KLHL26: variants seen among roughly 807,000 people sequenced by gnomAD.
KLHL26 encodes kelch-like protein 26.
A neutral mutation model predicts 7.1 loss-of-function variants in KLHL26; 4 were observed. The ratio of observed to expected loss-of-function variants is 0.56; its 90% CI spans 0.28 to 1.28. KLHL26 has a LOEUF of 1.28. KLHL26 is among the 50% of genes most tolerant of loss of function. The pLI is 0.11. For synonymous variants in KLHL26, 465 were observed against 414.1 expected (o/e 1.12, Z -1.49); for missense variants, 896 against 924.6 (o/e 0.97, Z 0.40).
intron 1 of KLHL26, among the ~76,000 whole-genome samples, chr19:18,645,410 C>A (rs1468138898): frequency 6.6e-6 from 1 of 152,134 alleles, no homozygotes. Context: ...TTGGCCCACG[C>A]TCCCTGGAGA....
chr19:18,639,270 G>T (rs540215865), intron 1 of KLHL26, among the ~76,000 whole-genome samples: 2 of 151,638 alleles, frequency 1.3e-5, no homozygotes, highest in Non-Finnish European at 2.9e-5. Context: ...TAGAGACAGG[G>T]TTTCACTGTT....
chr19:18,662,116 G>GC (rs2052397537), intron 1 of KLHL26, among the ~76,000 whole-genome samples: 1 of 152,118 alleles, frequency 6.6e-6, no homozygotes. Context: ...GGACTGAGTG[G>GC]CCCCGTGGTG....
rs1410801269 is a variant in KLHL26 at position 18,671,361 on chromosome 19, T to A, written c.*2116T>A. On this transcript the variant is annotated 3_prime_UTR_variant, in exon 3 of 3. Coordinates refer to ENST00000300976, the MANE Select transcript of KLHL26 (RefSeq NM_018316.3). ...GACAAAAGCCGAGTTCCCTGGGGAC[T>A]TACCAGAACATTCCAGCCCCACCCC... 1.3e-5 allele frequency: 2 copies of A among 152,208 alleles called. No individual in the cohort carries two copies. The highest frequency in any genetic ancestry group is 4.8e-5 in the African/African-American group (2 of 41,438). 9.4% of individuals were successfully genotyped at this position (152,208 alleles called of 1,614,324 possible). A position where few individuals can be genotyped will look rare whatever the true frequency, so the allele number is the denominator to read the frequency against.
intron 1 of KLHL26, 138 bp from the exon 2 acceptor site, chr19:18,664,123 G>GT (rs1304268113): frequency 1.4e-6 from 1 of 709,298 alleles, no homozygotes. Context: ...GGATTTGCCT[G>GT]TTCTGGGCAT....
At chr19:18,641,275 G>A (rs1055022801) in intron 1 of KLHL26, among the ~76,000 whole-genome samples, 2 of 145,876 alleles carry the variant, frequency 1.4e-5, no homozygotes, top group Admixed American at 6.9e-5. Context: ...CTTTGGTAAC[G>A]TGTCTTTTCA....
chr19:18,666,172 G>T (rs2052446330), intron 2 of KLHL26, among the ~76,000 whole-genome samples: 1 of 152,194 alleles, frequency 6.6e-6, no homozygotes, highest in Non-Finnish European at 1.5e-5. Flanking sequence ...CTGGGGAGCT[G>T]GCAGCGTACT....
chr19:18,660,562 C>T (rs2052382636), intron 1 of KLHL26, among the ~76,000 whole-genome samples: 1 of 152,198 alleles, frequency 6.6e-6, no homozygotes. Context: ...AGTAATGGGT[C>T]CTTCCCCTCC....
At chr19:18,662,912 C>T (rs1156871313) in intron 1 of KLHL26, among the ~76,000 whole-genome samples, 1 of 152,034 alleles carries the variant, frequency 6.6e-6, no homozygotes, top group East Asian at 1.9e-4. Flanking sequence ...GGAAAGGCCA[C>T]GGGGACAAGC....
chr19:18,643,210 C>T (rs986630950), intron 1 of KLHL26, among the ~76,000 whole-genome samples: 2 of 148,780 alleles, frequency 1.3e-5, no homozygotes, highest in African/African-American at 4.9e-5. Flanking sequence ...TTTGGGAGGC[C>T]GAGGTGGGCA....
rs371899491 is a variant in KLHL26, at chr19:18,668,523, G to A, written c.1126G>A (p.Gly376Ser). 3.8e-6 allele frequency: 6 copies of A among 1,599,042 alleles called. No individual in the cohort carries two copies. The highest frequency in any genetic ancestry group is 4.3e-6 in the Non-Finnish European group (5 of 1,174,996). Residue 376 changes from glycine (G) to serine (S), a missense_variant, in exon 3 of 3, where the codon GGC becomes AGC. Coordinates refer to ENST00000300976, the MANE Select transcript of KLHL26 (RefSeq NM_018316.3). ...GGGGCAGCACCTGCAGTACCGCAGC[G>A]GCGAGGGCGCAGTGGACGCCTGCTA... ...AGGQHLQYRSGEGAVDACYRY... is the reference protein window; with the variant it reads ...AGGQHLQYRSSEGAVDACYRY...
rs147794929 is a variant in KLHL26 at position 18,652,729 on chromosome 19, C to T, written c.84-11532C>T. On this transcript the variant is annotated intron_variant, in intron 1 of 2. Transcript: ENST00000300976. ...CAAGCTCTCTGCCTCCACAGCACCC[C>T]TCCCATCCTGGCTTGTACCTGGACC... Among the ~76,000 whole-genome samples the T allele has an allele frequency of 2.5e-3, 378 of 152,334 alleles. 3 individuals are homozygous for T. Among genetic ancestry groups the T allele is most frequent in the African/African-American group, 8.6e-3 (356 of 41,574 alleles).
At chr19:18,639,406 T>G (rs1204132908) in intron 1 of KLHL26, among the ~76,000 whole-genome samples, 3 of 131,662 alleles carry the variant, frequency 2.3e-5, no homozygotes, top group South Asian at 2.6e-4. Flanking sequence ...TCATTAAGTT[T>G]TTTTTTTTTT....
rs1204260630 is a variant in KLHL26, at chr19:18,642,338, A to AGTGTGTGTGTGTGTGTGTGTGT, written c.83+5224_83+5245dup. ...CCCAGGACACTTTTGCTAGTCACCT[A>AGTGTGTGTGTGTGTGTGTGTGT]GTGTGTGTGTGTGTGTGTGTGTGTG... On this transcript the variant is annotated intron_variant, in intron 1 of 2. Transcript: ENST00000300976. 5.7e-5 allele frequency among the ~76,000 whole-genome samples: 7 copies of AGTGTGTGTGTGTGTGTGTGTGT among 123,886 alleles called. 1 individual carries two copies. In the East Asian group the frequency reaches 7.5e-4, roughly 13 times the overall value. The allele number at this position is 123,886 out of a possible 152,430, so 81.3% of individuals were successfully genotyped here.
chr19:18,663,564 A>G (rs559386471), intron 1 of KLHL26, among the ~76,000 whole-genome samples: 1 of 152,250 alleles, frequency 6.6e-6, no homozygotes, highest in Non-Finnish European at 1.5e-5. Flanking sequence ...AGCAAATTCC[A>G]GAGGGCAGAG....
At position 18,664,465 on chromosome 19, in the gene KLHL26, C is replaced by T. The variant is rs746658458; in HGVS notation, c.266+22C>T. On this transcript the variant is annotated intron_variant, in intron 2 of 2. Transcript: ENST00000300976. ...TCAGGTAAGTGCTGGCCCCAGGCAG[C>T]TGGAAGGGGCGGCTGCCTGTTGGGA... The T allele has an allele frequency of 2.0e-6, 3 of 1,529,972 alleles. No homozygotes were observed. The African/African-American group carries it at 4.1e-5, about 21-fold the overall frequency. 94.8% of individuals were successfully genotyped at this position (1,529,972 alleles called of 1,614,324 possible).
At chr19:18,654,557 C>T (rs2052308136) in intron 1 of KLHL26, among the ~76,000 whole-genome samples, 1 of 151,872 alleles carries the variant, frequency 6.6e-6, no homozygotes, top group Admixed American at 6.6e-5. Context: ...ATTTATTCAC[C>T]CATCCATCCA....
At position 18,652,380 on chromosome 19, in the gene KLHL26, G is replaced by A. The variant is rs186863877; in HGVS notation, c.84-11881G>A. 8.1e-3 allele frequency among the ~76,000 whole-genome samples: 1,230 copies of A among 152,090 alleles called. 12 individuals are homozygous for A. Among genetic ancestry groups the A allele is most frequent in the Non-Finnish European group, 0.013 (886 of 67,956 alleles). On this transcript the variant is annotated intron_variant, in intron 1 of 2. Transcript: ENST00000300976. ...CGAGGCGGGCAGATCACCTGAGGCC[G>A]AGAGTTCGAGACCAGCCTGGTCAAT...
intron 1 of KLHL26, among the ~76,000 whole-genome samples, chr19:18,654,076 C>T (rs1413680094): frequency 7.0e-6 from 1 of 141,856 alleles, no homozygotes; most frequent in Non-Finnish European, 1.5e-5. Context: ...TCCAGCCATC[C>T]ACCCACCCTT....
intron 1 of KLHL26, among the ~76,000 whole-genome samples, chr19:18,642,338 A>AGT (rs1204260630): frequency 0.1 from 12,539 of 123,722 alleles, 690 homozygotes; most frequent in Middle Eastern, 0.15. Context: ...CTAGTCACCT[A>AGT]GTGTGTGTGT....
Sources: gnomAD v4.1 joint callset for allele counts (sites outside exome capture counted in the v4.1 genomes callset) on GRCh38, gnomAD v4.1.1 for gene constraint, MANE v1.5 for transcripts, NCBI Gene and HGNC (gene_info 2026-07-23, HGNC 2026-07-21) for gene names.